CYB561: variants seen among roughly 807,000 people sequenced by gnomAD.
The protein encoded by CYB561 is transmembrane ascorbate-dependent reductase CYB561.
CYB561 carries 11 observed loss-of-function variants against 25.3 expected under a neutral mutation model. The observed-to-expected ratio is 0.44, with a 90% CI of 0.27 to 0.72. CYB561 has a LOEUF of 0.72. Ranked by LOEUF, CYB561 falls within the 30% of genes least tolerant of loss-of-function variation. CYB561 has a pLI of 0.18. For missense variants in CYB561, 295 were observed against 334.9 expected (o/e 0.88, Z 0.93); for synonymous variants, 165 against 158.8 (o/e 1.04, Z -0.29).
Position 63,437,521 on chromosome 17 carries a change from G to T in CYB561, c.27C>A (p.Thr9=). ...CCACGTAGTAAGGCAGTGCTGTGGG[G>T]GTGGCTGCCGCGGCCCCGCCCTCCA... is the stretch of plus-strand genomic sequence containing the variant. The part of the protein sequence containing the change: MEGGAAAA[T]PTALPYYVAF... The change falls in exon 2 of 6, where the codon ACC becomes ACA. Residue 9 remains threonine (T), a synonymous_variant. Transcript: ENST00000360793. 2 of 1,612,286 alleles carry T rather than the reference G, an allele frequency of 1.2e-6. No individual in the cohort carries two copies. Among genetic ancestry groups the T allele is most frequent in the Non-Finnish European group, 1.7e-6 (2 of 1,179,868 alleles).
In CYB561 at chr17:63,436,123, CGTTCCTG is replaced by C; in HGVS notation, c.225_231del (p.Phe75LeufsTer103). The C allele has an allele frequency of 6.2e-7, 1 of 1,614,200 alleles. No individual in the cohort carries two copies. Among genetic ancestry groups the C allele is most frequent in the Non-Finnish European group, 8.5e-7 (1 of 1,180,012 alleles). On this transcript the variant is annotated frameshift_variant, in exon 3 of 6. Coordinates refer to ENST00000360793, the MANE Select transcript of CYB561 (RefSeq NM_001915.4). LOFTEE classifies it high-confidence loss of function. The surrounding 1 kb of genome is among the most constrained non-coding windows in gnomAD (Gnocchi z 4.8). ...AGGACCTTGGTGGTGCGTTTAGCTT[CGTTCCTG>C]AAGACACGGTAAACCAGCAGGGCTG...
rs1036204687 is a variant in CYB561 at position 63,433,311 on chromosome 17, G to A, written c.*1091C>T. 3.5e-5 allele frequency: 14 copies of A among 398,438 alleles called. No individual in the cohort carries two copies. The highest frequency in any genetic ancestry group is 1.3e-4 in the Admixed American group (3 of 22,696). 24.7% of individuals were successfully genotyped at this position (398,438 alleles called of 1,614,324 possible). ...GTTCTAATCACACTATTTCCAGGCCGAAGCCAAATGGTGACTCAGCTAACA... is the reference window on the plus strand; with the variant it reads ...GTTCTAATCACACTATTTCCAGGCCAAAGCCAAATGGTGACTCAGCTAACA... On this transcript the variant is annotated 3_prime_UTR_variant, in exon 6 of 6. Transcript: ENST00000360793.
At chr17:63,438,285 T>TTC in intron 1 of CYB561, 1 of 1,382,036 alleles carries the variant, frequency 7.2e-7, no homozygotes, top group African/African-American at 1.4e-5. Context: ...GCAAGCGCGC[T>TTC]CCTTGACGGG....
At chr17:63,443,633 T>G (rs532208652) in intron 1 of CYB561, among the ~76,000 whole-genome samples, 38 of 152,314 alleles carry the variant, frequency 2.5e-4, no homozygotes, top group Non-Finnish European at 4.7e-4. Context: ...AATTAATTTT[T>G]TTGTTGTTGT....
At position 63,432,304 on chromosome 17, in the gene CYB561, T is replaced by G. The variant is rs2049230771; in HGVS notation, c.*2098A>C. ...GTAAAGGAAGATAACAGGCGAGAGGTCTGCTGTAGACATTTATTGAATCAT... is the reference window on the plus strand; with the variant it reads ...GTAAAGGAAGATAACAGGCGAGAGGGCTGCTGTAGACATTTATTGAATCAT... On this transcript the variant is annotated 3_prime_UTR_variant, in exon 6 of 6. Transcript: ENST00000360793. The G allele has an allele frequency of 6.6e-6, 1 of 152,158 alleles. No homozygotes were observed. Among genetic ancestry groups the G allele is most frequent in the South Asian group, 2.1e-4 (1 of 4,830 alleles). The allele number at this position is 152,158 out of a possible 1,614,324, so 9.4% of individuals were successfully genotyped here. A position where few individuals can be genotyped will look rare whatever the true frequency, so the allele number is the denominator to read the frequency against.
chr17:63,444,137 G>A (rs576523205), intron 1 of CYB561, among the ~76,000 whole-genome samples: 50 of 152,162 alleles, frequency 3.3e-4, no homozygotes, highest in African/African-American at 1.2e-3. Flanking sequence ...CGTGCTCCAC[G>A]ATGCCTGGCT....
intron 1 of CYB561, among the ~76,000 whole-genome samples, chr17:63,440,434 T>C (rs2049363398): frequency 6.6e-6 from 1 of 152,142 alleles, no homozygotes; most frequent in South Asian, 2.1e-4. Context: ...CTTCTCCCTC[T>C]TCAACGTGAC....
At chr17:63,438,422 C>G in intron 1 of CYB561, 2 of 541,972 alleles carry the variant, frequency 3.7e-6, no homozygotes, top group Non-Finnish European at 6.6e-6. Flanking sequence ...CTCCCCACCC[C>G]ACACCCAGGA....
Position 63,433,704 on chromosome 17 carries a change from G to A in CYB561, c.*698C>T. ...CCATGTCTGGAGCAGCCTGGGAGGA[G>A]GCCCGCCTGCATCTGCCAAGAGAAA... On this transcript the variant is annotated 3_prime_UTR_variant, in exon 6 of 6. Transcript: ENST00000360793. The A allele has an allele frequency of 3.3e-6, 1 of 300,644 alleles. No homozygotes were observed. 18.6% of individuals were successfully genotyped at this position (300,644 alleles called of 1,614,324 possible).
At chr17:63,444,584 G>A (rs77412574) in intron 1 of CYB561, among the ~76,000 whole-genome samples, 3,392 of 152,076 alleles carry the variant, frequency 0.022, 105 homozygotes, top group African/African-American at 0.075. Context: ...GATGGCAGCC[G>A]TCTCTAATAA....
chr17:63,434,381 C>A lies in CYB561; in HGVS notation c.*21G>T, dbSNP rs1471163923. The A allele has an allele frequency of 1.3e-6, 2 of 1,531,888 alleles. No homozygotes were observed. The highest frequency in any genetic ancestry group is 4.0e-5 in the Admixed American group (2 of 50,606). 94.9% of individuals were successfully genotyped at this position (1,531,888 alleles called of 1,614,324 possible). On this transcript the variant is annotated 3_prime_UTR_variant, in exon 6 of 6. Coordinates refer to ENST00000360793, the MANE Select transcript of CYB561 (RefSeq NM_001915.4). ...GCAGGCAAGAAGACACCCCGCGAAC[C>A]CCCAGGGCCGGCCGGGCGCATCACT...
chr17:63,437,810 A>G, intron 1 of CYB561: 1 of 300,474 alleles, frequency 3.3e-6, no homozygotes, highest in Non-Finnish European at 6.0e-6. Flanking sequence ...AGCCCCCTCC[A>G]GATGCGCACA....
Position 63,438,124 on chromosome 17 carries a change from G to A in CYB561, c.-13-564C>T, listed in dbSNP as rs2049334183. ...CTCCCCACGGGGACAGGCGTGACCT[G>A]GGACACGACGCCAGGAGTTCCATAT... On this transcript the variant is annotated intron_variant, in intron 1 of 5. Transcript: ENST00000360793. The A allele has an allele frequency of 2.0e-6, 3 of 1,534,734 alleles. No individual in the cohort carries two copies. In the South Asian group the frequency reaches 3.6e-5, roughly 18 times the overall value.
chr17:63,441,675 C>T (rs1424598584), intron 1 of CYB561, among the ~76,000 whole-genome samples: 4 of 152,236 alleles, frequency 2.6e-5, no homozygotes, highest in Admixed American at 6.5e-5. Context: ...GCTCTCCTGC[C>T]GAACAGTGGC....
In CYB561 at chr17:63,432,866, A is replaced by C. The variant is rs1599112419; in HGVS notation, c.*1536T>G. 1 of 152,276 alleles carries C rather than the reference A, an allele frequency of 6.6e-6. No homozygotes were observed. The highest frequency in any genetic ancestry group is 1.5e-5 in the Non-Finnish European group (1 of 68,074). 9.4% of individuals were successfully genotyped at this position (152,276 alleles called of 1,614,324 possible). A position where few individuals can be genotyped will look rare whatever the true frequency, so the allele number is the denominator to read the frequency against. Reference sequence around the variant, plus strand: ...TGGCCCCTTTCTCTAAGACGGCCTCAGGTAGGAAAAGGGCAGCCATTACAA... The same window carrying C: ...TGGCCCCTTTCTCTAAGACGGCCTCCGGTAGGAAAAGGGCAGCCATTACAA... On this transcript the variant is annotated 3_prime_UTR_variant, in exon 6 of 6. Coordinates refer to ENST00000360793, the MANE Select transcript of CYB561 (RefSeq NM_001915.4).
rs552791192 is a variant in CYB561, at chr17:63,436,286, C to T, written c.203-134G>A. On this transcript the variant is annotated intron_variant, in intron 2 of 5. Transcript: ENST00000360793. This position sits in a 1 kb window ranked among gnomAD's most constrained non-coding sequence, Gnocchi z 4.8. ...GTAACAGGAGCCTAGCTGCAGGAAC[C>T]GGAGGAGAAAGCCAGGTTCCCTGGG... 186 of 1,184,676 alleles carry T rather than the reference C, an allele frequency of 1.6e-4. No homozygotes were observed. Among genetic ancestry groups the T allele is most frequent in the Non-Finnish European group, 1.9e-4 (164 of 854,642 alleles). 73.4% of individuals were successfully genotyped at this position (1,184,676 alleles called of 1,614,324 possible).
Position 63,437,434 on chromosome 17 carries a change from G to A in CYB561, c.114C>T (p.Tyr38=). The A allele has an allele frequency of 1.2e-6, 2 of 1,614,020 alleles. No individual in the cohort carries two copies. Residue 38 remains tyrosine (Y), a synonymous_variant, in exon 2 of 6, where the codon TAC becomes TAT. Coordinates refer to ENST00000360793, the MANE Select transcript of CYB561 (RefSeq NM_001915.4). ...VAMTGAWLGL[Y]RGGIAWESDL... ...CGCTCTCCCAGGCAATGCCGCCTCGGTACAGCCCGAGCCACGCGCCGGTCA... is the reference window on the plus strand; with the variant it reads ...CGCTCTCCCAGGCAATGCCGCCTCGATACAGCCCGAGCCACGCGCCGGTCA...
chr17:63,443,147 G>T (rs1173758521), intron 1 of CYB561, among the ~76,000 whole-genome samples: 2 of 152,186 alleles, frequency 1.3e-5, no homozygotes, highest in African/African-American at 2.4e-5. Flanking sequence ...AGCAAAGTGT[G>T]GTGTGAGCTA....
chr17:63,438,774 G>C (rs531096668), intron 1 of CYB561, among the ~76,000 whole-genome samples: 4 of 152,230 alleles, frequency 2.6e-5, no homozygotes, highest in Non-Finnish European at 5.9e-5. Context: ...CCCGCTAAGA[G>C]CCCAAGGGAG....
Sources: allele counts gnomAD v4.1 joint callset (sites outside exome capture counted in the v4.1 genomes callset), GRCh38; gene constraint gnomAD v4.1.1; non-coding constraint Gnocchi (gnomAD v3.1); transcripts MANE v1.5; gene names NCBI Gene and HGNC (gene_info 2026-07-23, HGNC 2026-07-21).